Variants in ERO1A observed in about 807,000 individuals in gnomAD.
ERO1A encodes endoplasmic reticulum oxidoreductase 1 alpha.
A neutral mutation model predicts 76.9 loss-of-function variants in ERO1A; 49 were observed. The ratio of observed to expected loss-of-function variants is 0.64; its 90% CI spans 0.51 to 0.81. The LOEUF (loss-of-function observed/expected upper bound fraction) is 0.81. Among genes scored for constraint, ERO1A ranks in the 30% least tolerant of loss-of-function variants. The pLI is 0.00. For synonymous variants in ERO1A, 174 were observed against 181.2 expected, an observed-to-expected ratio of 0.96 and a Z score of 0.32; for missense variants, 448 against 542.1, an observed-to-expected ratio of 0.83 and a Z score of 1.72.
chr14:52,686,388 A>G (rs1423048334), intron 1 of ERO1A, among the ~76,000 whole-genome samples: 1 of 152,160 alleles, frequency 6.6e-6, no homozygotes, highest in Non-Finnish European at 1.5e-5. Context: ...AGAAACACAC[A>G]TAGCAAGTAA....
chr14:52,672,444 G>C (rs745371257), intron 4 of ERO1A, among the ~76,000 whole-genome samples: 2 of 152,158 alleles, frequency 1.3e-5, no homozygotes, highest in African/African-American at 4.8e-5. Context: ...CAAATAAGTT[G>C]TCTCTATGTT....
At chr14:52,669,163 A>G (rs1259986495) in intron 6 of ERO1A, among the ~76,000 whole-genome samples, 1 of 152,174 alleles carries the variant, frequency 6.6e-6, no homozygotes, top group East Asian at 1.9e-4. Flanking sequence ...TATTCCTGCT[A>G]AAGCTTTCTT....
chr14:52,683,700 A>G (rs1007813410), intron 2 of ERO1A, 88 bp downstream of exon 2: 31 of 589,950 alleles, frequency 5.3e-5, no homozygotes, highest in Non-Finnish European at 4.1e-5. Flanking sequence ...TTTAAATAAC[A>G]ACTACAATTT....
rs1387343535 is a variant in ERO1A at position 52,671,873 on chromosome 14, T to A, written c.358-2A>T. On this transcript the variant is annotated splice_acceptor_variant, in intron 4 of 15. Transcript: ENST00000395686. LOFTEE classifies it high-confidence loss of function. ...GAGATTATTGGCTTCTTCAGAATAC[T>A]AAAATGAAAAAGGGAATAAATAGAT... 6.3e-7 allele frequency: 1 copy of A among 1,580,044 alleles called. No individual in the cohort carries two copies. Among genetic ancestry groups the A allele is most frequent in the Admixed American group, 1.8e-5 (1 of 55,952 alleles).
At chr14:52,674,422 C>A (rs1026221065) in intron 4 of ERO1A, among the ~76,000 whole-genome samples, 2 of 152,136 alleles carry the variant, frequency 1.3e-5, no homozygotes, top group Non-Finnish European at 2.9e-5. Context: ...TGGTCTTGAA[C>A]TCCAGGCTTC....
intron 13 of ERO1A, among the ~76,000 whole-genome samples, 160 bp downstream of exon 13, chr14:52,652,079 A>G (rs922298885): frequency 6.4e-5 from 9 of 141,312 alleles, no homozygotes; most frequent in African/African-American, 2.1e-4. Context: ...CAATCCTCCC[A>G]CCTCAGCCTC....
intron 6 of ERO1A, among the ~76,000 whole-genome samples, chr14:52,668,640 T>C (rs1001814783): frequency 2.0e-5 from 3 of 151,754 alleles, no homozygotes; most frequent in Admixed American, 2.0e-4. Flanking sequence ...AAGAAATGAT[T>C]AAATTTTTAA....
At position 52,652,843 on chromosome 14, in the gene ERO1A, C is replaced by CAA. The variant is rs1218449951; in HGVS notation, c.1055+224_1055+225dup. Among the ~76,000 whole-genome samples the CAA allele has an allele frequency of 3.9e-5, 6 of 152,000 alleles. No individual in the cohort carries two copies. The East Asian group carries it at 1.2e-3, about 29-fold the overall frequency. On this transcript the variant is annotated intron_variant, in intron 12 of 15. Coordinates refer to ENST00000395686, the MANE Select transcript of ERO1A (RefSeq NM_014584.3). ...CAAAACCCCATCTCTACAAAAAATA[C>CAA]AAAAATTAGCCCGGTGTGGTGGTTT... is the stretch of plus-strand genomic sequence containing the variant.
At chr14:52,666,005 G>C (rs2040398844) in intron 7 of ERO1A, among the ~76,000 whole-genome samples, 1 of 152,152 alleles carries the variant, frequency 6.6e-6, no homozygotes, top group South Asian at 2.1e-4. Flanking sequence ...GGTGTACAGA[G>C]CACCAAAAAG....
intron 9 of ERO1A, chr14:52,658,492 C>T (rs2040125414): frequency 5.3e-6 from 1 of 189,534 alleles, no homozygotes; most frequent in Admixed American, 6.1e-5. Flanking sequence ...GATAACAATT[C>T]ATGCCATGAA....
chr14:52,646,241 A>T lies in ERO1A; in HGVS notation c.1259T>A (p.Leu420Ter). 6.2e-7 allele frequency: 1 copy of T among 1,613,958 alleles called. No homozygotes were observed. The change falls in exon 15 of 16, where the codon TTG (leucine) becomes TAG (stop). Residue 420 changes from leucine to a stop codon, truncating the protein, a stop_gained. Coordinates refer to ENST00000395686, the MANE Select transcript of ERO1A (RefSeq NM_014584.3). LOFTEE classifies it high-confidence loss of function. ...TALKILFSEKLIANMPESGPS... is the reference protein window; with the variant it reads ...TALKILFSEK ...TCCACTTTCTGGCATATTTGCTATC[A>T]ATTTCTCAGAAAATAAGATCTTCAG...
intron 11 of ERO1A, among the ~76,000 whole-genome samples, chr14:52,654,914 GTATT>G (rs2039993826): frequency 6.6e-6 from 1 of 152,064 alleles, no homozygotes; most frequent in South Asian, 2.1e-4. Context: ...GAGAAAGTTG[GTATT>G]TATTTAATGC....
intron 3 of ERO1A, among the ~76,000 whole-genome samples, chr14:52,678,906 A>G (rs1397104974): frequency 6.6e-6 from 1 of 152,196 alleles, no homozygotes; most frequent in African/African-American, 2.4e-5. Flanking sequence ...TCATGGAGAC[A>G]GATCTCTCAT....
rs145139147 is a variant in ERO1A at position 52,671,988 on chromosome 14, T to C, written c.358-117A>G. On this transcript the variant is annotated intron_variant, in intron 4 of 15. Transcript: ENST00000395686. Reference sequence around the variant, plus strand: ...TTTTTATTTTTCCAATATGTTCTTATTGCTTTTAATTTTTCATAAAATTGC... The same window carrying C: ...TTTTTATTTTTCCAATATGTTCTTACTGCTTTTAATTTTTCATAAAATTGC... 2.3e-3 allele frequency: 1,745 copies of C among 753,410 alleles called. 1 individual carries two copies. Among genetic ancestry groups the C allele is most frequent in the Middle Eastern group, 5.0e-3 (13 of 2,582 alleles). The allele number at this position is 753,410 out of a possible 1,614,324, so 46.7% of individuals were successfully genotyped here. A position where few individuals can be genotyped will look rare whatever the true frequency, so the allele number is the denominator to read the frequency against.
chr14:52,656,249 T>A (rs1399393604), intron 11 of ERO1A, among the ~76,000 whole-genome samples: 1 of 152,208 alleles, frequency 6.6e-6, no homozygotes, highest in Non-Finnish European at 1.5e-5. Context: ...TAATAATCTT[T>A]GTGTCTGGCT....
intron 2 of ERO1A, 126 bp downstream of exon 2, chr14:52,683,662 G>A: frequency 4.4e-6 from 2 of 457,820 alleles, no homozygotes; most frequent in Non-Finnish European, 7.6e-6. Flanking sequence ...CTTATGAACT[G>A]AATTTTCTTA....
chr14:52,676,255 G>A (rs2040779249), intron 4 of ERO1A, among the ~76,000 whole-genome samples: 1 of 152,136 alleles, frequency 6.6e-6, no homozygotes. Flanking sequence ...AATAAAAAGA[G>A]CATTACCAAA....
intron 7 of ERO1A, among the ~76,000 whole-genome samples, chr14:52,665,514 T>C (rs556297065): frequency 3.2e-4 from 49 of 152,114 alleles, no homozygotes; most frequent in African/African-American, 1.2e-3. Flanking sequence ...CTCATACTTA[T>C]ATTTGACTTA....
rs139169940 is a variant in ERO1A at position 52,646,162 on chromosome 14, T to A, written c.1338A>T (p.Ala446=). Residue 446 remains alanine, a synonymous_variant, in exon 15 of 16, where the codon GCA becomes GCT. Transcript: ENST00000395686. The part of the protein sequence containing the change: ...TRQEIVSLFN[A]FGRISTSVKE... ...AGTACATTCAAACTAACCTTCCAAATGCGTTGAATAATGATACTATTTCTT... is the reference window on the plus strand; with the variant it reads ...AGTACATTCAAACTAACCTTCCAAAAGCGTTGAATAATGATACTATTTCTT... 8.1e-6 allele frequency: 13 copies of A among 1,609,978 alleles called. No homozygotes were observed. Among genetic ancestry groups the A allele is most frequent in the Non-Finnish European group, 1.1e-5 (13 of 1,178,218 alleles).
Sources: gnomAD v4.1 joint callset for allele counts (sites outside exome capture counted in the v4.1 genomes callset) on GRCh38, gnomAD v4.1.1 for gene constraint, MANE v1.5 for transcripts, NCBI Gene and HGNC (gene_info 2026-07-23, HGNC 2026-07-21) for gene names.